Variants in NBPF4 observed in about 807,000 individuals in gnomAD.
NBPF4 encodes the protein NBPF member 4, also known as NBPF family member NBPF4.
A neutral mutation model predicts 21.1 loss-of-function variants in NBPF4; 11 were observed. The observed-to-expected ratio is 0.52, with a 90% CI of 0.33 to 0.86. The LOEUF is 0.86. NBPF4 is among the 40% of genes least tolerant of loss of function. The pLI is 0.03. For missense variants in NBPF4, 88 were observed against 265.3 expected, an observed-to-expected ratio of 0.33 and a Z score of 4.64; for synonymous variants, 47 against 106.4, an observed-to-expected ratio of 0.44 and a Z score of 3.43.
the NBPF4 span, among the ~76,000 whole-genome samples, chr1:108,257,556 CTGATT>C: frequency 2.7e-5 from 4 of 147,344 alleles, no homozygotes; most frequent in Non-Finnish European, 6.0e-5. Flanking sequence ...ACACACGAAT[CTGATT>C]TTTTACTTAT....
intron 13 of NBPF4, among the ~76,000 whole-genome samples, chr1:108,227,418 C>CAT (rs1221621008): frequency 2.1e-4 from 8 of 38,394 alleles, no homozygotes; most frequent in South Asian, 1.9e-3. Context: ...TGATCTACTG[C>CAT]ATATATATAT....
Position 108,223,024 on chromosome 1 carries a change from G to A in NBPF4, c.*681C>T, listed in dbSNP as rs1571323293. Among the ~76,000 whole-genome samples, 3 of 152,036 alleles carry A rather than the reference G, an allele frequency of 2.0e-5. No homozygotes were observed. Among genetic ancestry groups the A allele is most frequent in the Admixed American group, 6.5e-5 (1 of 15,272 alleles). On this transcript the variant is annotated 3_prime_UTR_variant, in exon 15 of 15. Transcript: ENST00000415641. Reference sequence around the variant, plus strand: ...TGTTTAGGCTGAATTTAATCATGACGACATTTTCAGATAACTTCAGAATGT... The same window carrying A: ...TGTTTAGGCTGAATTTAATCATGACAACATTTTCAGATAACTTCAGAATGT...
At chr1:108,256,566 T>C in the NBPF4 span, among the ~76,000 whole-genome samples, 4 of 73,566 alleles carry the variant, frequency 5.4e-5, no homozygotes, top group Non-Finnish European at 7.3e-5. Context: ...GCCCTCCCTC[T>C]CCTCCCCTCC....
Position 108,223,556 on chromosome 1 carries a change from G to C in NBPF4, c.*149C>G. The C allele has an allele frequency of 1.4e-6, 1 of 735,300 alleles. No homozygotes were observed. The highest frequency in any genetic ancestry group is 2.3e-6 in the Non-Finnish European group (1 of 434,512). The allele number at this position is 735,300 out of a possible 1,614,324, so 45.5% of individuals were successfully genotyped here. ...GAATGTGGCTTCTCAAATCAAAGGAGCATAGTGGCTTGAAGTCATCAAGAG... is the reference window on the plus strand; with the variant it reads ...GAATGTGGCTTCTCAAATCAAAGGACCATAGTGGCTTGAAGTCATCAAGAG... On this transcript the variant is annotated 3_prime_UTR_variant, in exon 15 of 15. Coordinates refer to ENST00000415641, the MANE Select transcript of NBPF4 (RefSeq NM_001143989.3).
chr1:108,246,530 T>C (rs1163799773), upstream of NBPF4, among the ~76,000 whole-genome samples: 5 of 115,934 alleles, frequency 4.3e-5, 1 homozygote, highest in African/African-American at 1.5e-4. Flanking sequence ...ACTTTTGTTT[T>C]TAATCTTTGT....
At chr1:108,246,608 C>T (rs1398742096), upstream of NBPF4, among the ~76,000 whole-genome samples, 1 of 100,996 alleles carries the variant, frequency 9.9e-6, no homozygotes, top group East Asian at 3.4e-4. Flanking sequence ...TTACCCTCGT[C>T]CTGCTGAACC....
rs550221758 is a variant in NBPF4 at position 108,229,185 on chromosome 1, C to G, written c.1424-29G>C. ...AAAGGAGAAGGGGCTTCAGTAGGAA[C>G]AATCTCAGTTTTCCCTTTGTTAAGT... On this transcript the variant is annotated intron_variant, in intron 12 of 14. Transcript: ENST00000415641. 5 of 1,482,876 alleles carry G rather than the reference C, an allele frequency of 3.4e-6. No individual in the cohort carries two copies. In the South Asian group the frequency reaches 3.7e-5, roughly 11 times the overall value. The allele number at this position is 1,482,876 out of a possible 1,614,324, so 91.9% of individuals were successfully genotyped here.
At chr1:108,246,175 T>TG (rs1292305189), upstream of NBPF4, among the ~76,000 whole-genome samples, 2 of 120,076 alleles carry the variant, frequency 1.7e-5, 1 homozygote, top group Non-Finnish European at 3.5e-5. Context: ...ACAGTGTAGG[T>TG]GGAGGATGGT....
the NBPF4 span, among the ~76,000 whole-genome samples, chr1:108,257,894 G>C: frequency 7.0e-6 from 1 of 141,968 alleles, no homozygotes; most frequent in African/African-American, 2.8e-5. Context: ...AATTACAGGA[G>C]TGCATCACCA....
chr1:108,244,937 TATATATATATACACAC>T (rs1558041703), upstream of NBPF4, among the ~76,000 whole-genome samples: 1 of 35,988 alleles, frequency 2.8e-5, no homozygotes, highest in African/African-American at 9.3e-5. Context: ...TATATATATA[TATATATATATACACAC>T]ACATATAGAG....
chr1:108,265,894 G>A, the NBPF4 span, among the ~76,000 whole-genome samples: 1 of 54,094 alleles, frequency 1.8e-5, no homozygotes, highest in Non-Finnish European at 3.2e-5. Flanking sequence ...ACTGTTGTGG[G>A]GTGGGGGAAG....
chr1:108,234,885 A>G (rs1367235135), intron 9 of NBPF4, among the ~76,000 whole-genome samples: 2 of 109,768 alleles, frequency 1.8e-5, no homozygotes, highest in African/African-American at 7.7e-5. Context: ...TTTCTACCTA[A>G]TTTCCTTGCC....
At chr1:108,244,963 G>T (rs1320787022), upstream of NBPF4, among the ~76,000 whole-genome samples, 4 of 81,660 alleles carry the variant, frequency 4.9e-5, no homozygotes, top group African/African-American at 1.8e-4. Flanking sequence ...CACATATAGA[G>T]TTGCTCTAAC....
chr1:108,246,196 G>A (rs1649844051), upstream of NBPF4, among the ~76,000 whole-genome samples: 1 of 120,264 alleles, frequency 8.3e-6, no homozygotes, highest in African/African-American at 3.1e-5. Flanking sequence ...GTGGGCTGCT[G>A]AGAGGCATGC....
chr1:108,259,914 T>C, the NBPF4 span, among the ~76,000 whole-genome samples: 430 of 137,664 alleles, frequency 3.1e-3, no homozygotes, highest in Admixed American at 0.028. Flanking sequence ...AATCTGAAAA[T>C]TAGAAATTCA....
the NBPF4 span, among the ~76,000 whole-genome samples, chr1:108,264,284 A>G: frequency 1.3e-5 from 2 of 148,510 alleles, no homozygotes; most frequent in African/African-American, 5.1e-5. Flanking sequence ...AAGGTCAAAA[A>G]AGACAAAGAA....
chr1:108,222,694 G>C lies in NBPF4; in HGVS notation c.*1011C>G, dbSNP rs1338174371. Among the ~76,000 whole-genome samples the C allele has an allele frequency of 6.6e-6, 1 of 152,182 alleles. No homozygotes were observed. The highest frequency in any genetic ancestry group is 1.5e-5 in the Non-Finnish European group (1 of 68,036). Reference sequence around the variant, plus strand: ...AAAAGCAAGTATAAGGTAAGATTTTGAGATAGACAATTTTCAATGTACAAA... The same window carrying C: ...AAAAGCAAGTATAAGGTAAGATTTTCAGATAGACAATTTTCAATGTACAAA... On this transcript the variant is annotated 3_prime_UTR_variant, in exon 15 of 15. Coordinates refer to ENST00000415641, the MANE Select transcript of NBPF4 (RefSeq NM_001143989.3).
At chr1:108,244,947 TACAC>T (rs372222400), upstream of NBPF4, among the ~76,000 whole-genome samples, 145 of 34,902 alleles carry the variant, frequency 4.2e-3, 17 homozygotes, top group African/African-American at 0.015. Context: ...TATATATATA[TACAC>T]ACACATATAG....
At chr1:108,268,481 C>A in the NBPF4 span, among the ~76,000 whole-genome samples, 1 of 151,452 alleles carries the variant, frequency 6.6e-6, no homozygotes, top group Non-Finnish European at 1.5e-5. Flanking sequence ...CCAAGAAATT[C>A]CATGGCAAGT....
Sources: gnomAD v4.1 joint callset for allele counts (sites outside exome capture counted in the v4.1 genomes callset) on GRCh38, gnomAD v4.1.1 for gene constraint, MANE v1.5 for transcripts, NCBI Gene and HGNC (gene_info 2026-07-23, HGNC 2026-07-21) for gene names.